ZNF514: variants seen among roughly 807,000 people sequenced by gnomAD.
The protein encoded by ZNF514 is zinc finger protein 514.
In ZNF514, 12 loss-of-function variants were observed where a neutral mutation model predicts 9.7. The ratio of observed to expected loss-of-function variants is 1.24; its 90% CI spans 0.79 to 2.01. The LOEUF (loss-of-function observed/expected upper bound fraction) is 2.01. Among genes scored for constraint, ZNF514 ranks in the 30% most tolerant of loss-of-function variants. ZNF514 has a pLI of 0.00. For missense variants in ZNF514, 467 were observed against 465.5 expected (o/e 1.00, Z -0.03); for synonymous variants, 158 against 163.7 (o/e 0.97, Z 0.27).
At chr2:95,134,278 C>T in the ZNF514 span, among the ~76,000 whole-genome samples, 1 of 152,258 alleles carries the variant, frequency 6.6e-6, no homozygotes, top group East Asian at 1.9e-4. Context: ...AATTAGGCCT[C>T]AGTCTTAGGG....
At chr2:95,157,319 G>A (rs1181249473) in intron 2 of ZNF514, 32 bp downstream of exon 2, 2 of 1,254,828 alleles carry the variant, frequency 1.6e-6, no homozygotes, top group African/African-American at 3.1e-5. Context: ...CATCGTTCAG[G>A]CATTTGAGGA....
chr2:95,130,982 A>G, the ZNF514 span, among the ~76,000 whole-genome samples: 1 of 152,244 alleles, frequency 6.6e-6, no homozygotes, highest in African/African-American at 2.4e-5. Context: ...AAGAAATTAC[A>G]AAAGTATTAA....
the ZNF514 span, among the ~76,000 whole-genome samples, chr2:95,130,139 A>T: frequency 3.2e-4 from 48 of 152,288 alleles, no homozygotes; most frequent in African/African-American, 1.1e-3. Flanking sequence ...TCCAGGGGAG[A>T]CATCACACAT....
chr2:95,142,089 A>G (rs1404485347), downstream of ZNF514, among the ~76,000 whole-genome samples: 1 of 151,884 alleles, frequency 6.6e-6, no homozygotes, highest in Non-Finnish European at 1.5e-5. Context: ...CTTTTCTTTC[A>G]TTTTTGTTAT....
intron 2 of ZNF514, chr2:95,155,374 G>A (rs1373399400): frequency 6.6e-6 from 1 of 152,242 alleles, no homozygotes; most frequent in Non-Finnish European, 1.5e-5. Context: ...TGTCTGTCCA[G>A]TGGAATTTCA....
At position 95,159,127 on chromosome 2, in the gene ZNF514, C is replaced by G. The variant is rs926603758; in HGVS notation, c.-96+113G>C. ...CACGGGGCATCCCCACTAGGCGCGG[C>G]GGGGCCAGCGGACCTGCAGGGCCCA... On this transcript the variant is annotated intron_variant, in intron 1 of 4. Transcript: ENST00000295208. 41 of 873,978 alleles carry G rather than the reference C, an allele frequency of 4.7e-5. No homozygotes were observed. The Admixed American group carries it at 1.2e-3, about 25-fold the overall frequency. 54.1% of individuals were successfully genotyped at this position (873,978 alleles called of 1,614,324 possible).
At chr2:95,152,538 T>G (rs1573379099) in intron 4 of ZNF514, 136 bp downstream of exon 4, 1 of 674,224 alleles carries the variant, frequency 1.5e-6, no homozygotes, top group Admixed American at 2.7e-5. Context: ...AATTACAAAA[T>G]TCAACATACC....
At chr2:95,123,697 C>T in the ZNF514 span, among the ~76,000 whole-genome samples, 1 of 152,220 alleles carries the variant, frequency 6.6e-6, no homozygotes, top group Non-Finnish European at 1.5e-5. Context: ...ATATGTACCA[C>T]TTCCATTCGA....
intron 2 of ZNF514, chr2:95,154,212 G>C (rs1445173616): frequency 6.6e-6 from 1 of 152,256 alleles, no homozygotes; most frequent in Non-Finnish European, 1.5e-5. Flanking sequence ...GCCAGTGGGG[G>C]TTCTGCAATT....
chr2:95,128,403 A>C, the ZNF514 span, among the ~76,000 whole-genome samples: 2 of 151,638 alleles, frequency 1.3e-5, no homozygotes, highest in East Asian at 1.9e-4. Context: ...AAAAAAAAAA[A>C]AAAAACAGCT....
chr2:95,140,119 G>A (rs749361696), downstream of ZNF514, among the ~76,000 whole-genome samples: 3 of 151,974 alleles, frequency 2.0e-5, no homozygotes, highest in Non-Finnish European at 2.9e-5. Context: ...ATCACACACC[G>A]GGGCCTGTCA....
At chr2:95,126,392 A>AAAAAAAG in the ZNF514 span, among the ~76,000 whole-genome samples, 123 of 84,450 alleles carry the variant, frequency 1.5e-3, 1 homozygote, top group African/African-American at 2.8e-3. Flanking sequence ...AAAAAAAAAA[A>AAAAAAAG]AAAGAAAGAA....
intron 1 of ZNF514, among the ~76,000 whole-genome samples, chr2:95,158,655 T>C (rs1673752665): frequency 1.3e-5 from 2 of 152,234 alleles, no homozygotes; most frequent in African/African-American, 2.4e-5. Flanking sequence ...TTGGGTTTGC[T>C]TGCCCTCTCC....
chr2:95,157,526 C>T, intron 1 of ZNF514, 87 bp from the exon 2 acceptor site: 1 of 659,600 alleles, frequency 1.5e-6, no homozygotes, highest in Non-Finnish European at 2.4e-6. Flanking sequence ...CCCAGAACAG[C>T]TCTGAATGTC....
In ZNF514 at chr2:95,149,225, C is replaced by CT; in HGVS notation, c.*56dup. ...TTAGGATCTCTCTCTGATATGAATT[C>CT]TTTAAGTTCCAGTGATGTCTGCACT... On this transcript the variant is annotated 3_prime_UTR_variant, in exon 5 of 5. Coordinates refer to ENST00000295208, the MANE Select transcript of ZNF514 (RefSeq NM_032788.3). 6.6e-7 allele frequency: 1 copy of CT among 1,514,464 alleles called. No individual in the cohort carries two copies. Among genetic ancestry groups the CT allele is most frequent in the South Asian group, 1.4e-5 (1 of 73,154 alleles). The allele number at this position is 1,514,464 out of a possible 1,614,324, so 93.8% of individuals were successfully genotyped here. A position where few individuals can be genotyped will look rare whatever the true frequency, so the allele number is the denominator to read the frequency against.
At chr2:95,158,972 T>TGTG in intron 1 of ZNF514, 1 of 1,288,758 alleles carries the variant, frequency 7.8e-7, no homozygotes, top group Non-Finnish European at 1.0e-6. Context: ...AACCTGATGC[T>TGTG]GTGGAGTCCA....
chr2:95,132,500 G>C, the ZNF514 span, among the ~76,000 whole-genome samples: 1 of 152,146 alleles, frequency 6.6e-6, no homozygotes, highest in African/African-American at 2.4e-5. Flanking sequence ...TGAGAAACGG[G>C]ATCACTCATA....
At chr2:95,143,524 CAGG>C (rs1448469223), downstream of ZNF514, among the ~76,000 whole-genome samples, 1 of 152,174 alleles carries the variant, frequency 6.6e-6, no homozygotes, top group Non-Finnish European at 1.5e-5. Flanking sequence ...GAGGCTGAGG[CAGG>C]AGAATTGCTT....
Position 95,150,265 on chromosome 2 carries a change from AGTCT to A in ZNF514, c.218-2_219del. ...TCCTTGGATTTAGACCTTCTCTTCC[AGTCT>A]GTTAAAAAAAAAAAAAAAAAAAGAA... On this transcript the variant is annotated splice_acceptor_variant and coding_sequence_variant, in exon 5 of 5. Transcript: ENST00000295208. LOFTEE classifies it high-confidence loss of function. 1 of 1,417,260 alleles carries A rather than the reference AGTCT, an allele frequency of 7.1e-7. No homozygotes were observed. Among genetic ancestry groups the A allele is most frequent in the Non-Finnish European group, 9.2e-7 (1 of 1,086,460 alleles). 87.8% of individuals were successfully genotyped at this position (1,417,260 alleles called of 1,614,324 possible).
Sources: allele counts gnomAD v4.1 joint callset (sites outside exome capture counted in the v4.1 genomes callset), GRCh38; gene constraint gnomAD v4.1.1; transcripts MANE v1.5; gene names NCBI Gene and HGNC (gene_info 2026-07-23, HGNC 2026-07-21).